The following RPE65 variants were observed in gnomAD, a reference collection of about 807,000 sequenced individuals.
RPE65 encodes retinoid isomerohydrolase.
A neutral mutation model predicts 68.5 loss-of-function variants in RPE65; 58 were observed. The ratio of observed to expected loss-of-function variants is 0.85; its 90% CI spans 0.69 to 1.05. The LOEUF is 1.05. Among genes scored for constraint, RPE65 ranks in the 50% least tolerant of loss-of-function variants. The pLI is 0.00. For synonymous variants in RPE65, 220 were observed against 222.2 expected (o/e 0.99, Z 0.09); for missense variants, 643 against 629.9 (o/e 1.02, Z -0.22).
intron 13 of RPE65, 151 bp downstream of exon 13, chr1:68,430,914 A>G (rs1195099053): frequency 1.5e-6 from 1 of 674,480 alleles, no homozygotes; most frequent in Non-Finnish European, 2.6e-6. Context: ...ATTCTTTTCA[A>G]ATAGTTTTAA....
chr1:68,431,708 G>A (rs1459176112), intron 10 of RPE65, 123 bp from the exon 11 acceptor site: 5 of 799,452 alleles, frequency 6.3e-6, no homozygotes, highest in Non-Finnish European at 1.1e-5. Flanking sequence ...AGGAACTGCA[G>A]GAAGCTATAG....
At chr1:68,448,291 C>T (rs1448044701) in intron 2 of RPE65, among the ~76,000 whole-genome samples, 1 of 152,184 alleles carries the variant, frequency 6.6e-6, no homozygotes, top group East Asian at 1.9e-4. Flanking sequence ...GTGCTTGTCA[C>T]TGGGCCTTCA....
intron 10 of RPE65, among the ~76,000 whole-genome samples, chr1:68,433,857 A>G (rs1453853417): frequency 6.6e-6 from 1 of 152,072 alleles, no homozygotes; most frequent in Non-Finnish European, 1.5e-5. Context: ...GGTCTACATG[A>G]GAAAGTGTTT....
rs1285702731 is a variant in RPE65 at position 68,448,636 on chromosome 1, C to T, written c.82G>A (p.Ala28Thr). ...GGGCGAGACCAACCTGTTACATGAG[C>T]TGTGAGCGGCGAGGACAGTTCCTCC... ...TVEELSSPLT[A>T]HVTGRIPLWL... The change falls in exon 2 of 14, where the codon GCT becomes ACT. Residue 28 changes from alanine to threonine, a missense_variant. Ala to Thr is a moderately conservative substitution (Grantham distance 58). Coordinates refer to ENST00000262340, the MANE Select transcript of RPE65 (RefSeq NM_000329.3). The T allele has an allele frequency of 2.5e-6, 4 of 1,613,792 alleles. No homozygotes were observed. The highest frequency in any genetic ancestry group is 3.4e-6 in the Non-Finnish European group (4 of 1,179,968).
chr1:68,439,722 C>T (rs1279599318), intron 6 of RPE65, 80 bp from the exon 7 acceptor site: 13 of 1,069,876 alleles, frequency 1.2e-5, no homozygotes, highest in Admixed American at 3.5e-5. Flanking sequence ...ACAGCTTATA[C>T]AGGCAAAGAA....
Position 68,438,977 on chromosome 1 carries a change from A to C in RPE65, c.963T>G (p.Asn321Lys), listed in dbSNP as rs149916178. 2.6e-3 allele frequency: 4,269 copies of C among 1,614,066 alleles called. 99 individuals carry two copies. In the South Asian group the frequency reaches 0.035, roughly 13 times the overall value. Reference sequence around the variant, plus strand: ...AGCAGAGATCCACAATCAGAAACCCATTGTCTTCATAGGTGTTGATGTGAT... The same window carrying C: ...AGCAGAGATCCACAATCAGAAACCCCTTGTCTTCATAGGTGTTGATGTGAT... ...LFHHINTYED[N>K]GFLIVDLCCW... The change falls in exon 9 of 14, where the codon AAT becomes AAG. Residue 321 changes from asparagine to lysine, a missense_variant. Transcript: ENST00000262340.
At chr1:68,449,860 A>G (rs1645970536) in intron 1 of RPE65, 35 bp downstream of exon 1, 1 of 1,609,920 alleles carries the variant, frequency 6.2e-7, no homozygotes, top group Non-Finnish European at 8.5e-7. Context: ...TGAATCCATG[A>G]AGGTGTTTTA....
Position 68,444,988 on chromosome 1 carries a change from A to G in RPE65, c.246-105T>C, listed in dbSNP as rs1242726411. 13 of 922,162 alleles carry G rather than the reference A, an allele frequency of 1.4e-5. No individual in the cohort carries two copies. The Admixed American group carries it at 2.5e-4, about 18-fold the overall frequency. 57.1% of individuals were successfully genotyped at this position (922,162 alleles called of 1,614,324 possible). ...TATGTGTCCTCATCAAGTCACAATCATAAATGCACAACATGAAGAATAAAG... is the reference window on the plus strand; with the variant it reads ...TATGTGTCCTCATCAAGTCACAATCGTAAATGCACAACATGAAGAATAAAG... On this transcript the variant is annotated intron_variant, in intron 3 of 13. Coordinates refer to ENST00000262340, the MANE Select transcript of RPE65 (RefSeq NM_000329.3).
chr1:68,442,411 C>T (rs918391818), intron 5 of RPE65, among the ~76,000 whole-genome samples: 3 of 152,148 alleles, frequency 2.0e-5, no homozygotes, highest in Non-Finnish European at 2.9e-5. Context: ...GAAGGGCATG[C>T]GTAGAGGAGG....
rs121917745 is a variant in RPE65 at position 68,429,835 on chromosome 1, G to A, written c.1543C>T (p.Arg515Trp). ...LNAKDLSEVARAEVEINIPVT... is the reference protein window; with the variant it reads ...LNAKDLSEVAWAEVEINIPVT... The stretch of plus-strand genomic sequence containing the variant: ...GGGATGTTAATCTCCACTTCAGCCC[G>A]GGCAACTTCACTTAAGTCCTTGGCA... Residue 515 changes from arginine (R) to tryptophan (W), a missense_variant, in exon 14 of 14, where the codon CGG (arginine) becomes TGG (tryptophan). Transcript: ENST00000262340. 2.4e-5 allele frequency: 38 copies of A among 1,613,626 alleles called. No homozygotes were observed. In the East Asian group the frequency reaches 6.2e-4, roughly 26 times the overall value.
intron 13 of RPE65, among the ~76,000 whole-genome samples, chr1:68,430,697 TA>T (rs2100806303): frequency 6.6e-6 from 1 of 152,348 alleles, no homozygotes; most frequent in Non-Finnish European, 1.5e-5. Flanking sequence ...TTGTATCTGC[TA>T]TAATACTTAG....
chr1:68,439,897 T>C (rs187916002), intron 6 of RPE65, among the ~76,000 whole-genome samples: 1 of 152,076 alleles, frequency 6.6e-6, no homozygotes, highest in Non-Finnish European at 1.5e-5. Context: ...TGTAGTGGAG[T>C]CACATCTTGC....
chr1:68,446,366 A>C (rs911529712), intron 3 of RPE65, among the ~76,000 whole-genome samples: 10 of 152,172 alleles, frequency 6.6e-5, no homozygotes, highest in African/African-American at 2.4e-4. Context: ...GCTTGTAATG[A>C]ATATATAAGG....
chr1:68,447,943 T>C (rs1645954876), intron 2 of RPE65, among the ~76,000 whole-genome samples: 1 of 152,246 alleles, frequency 6.6e-6, no homozygotes. Context: ...CAGTGCTTCC[T>C]TGATTCCTAC....
At chr1:68,440,100 G>A (rs1292521709) in intron 6 of RPE65, among the ~76,000 whole-genome samples, 1 of 152,162 alleles carries the variant, frequency 6.6e-6, no homozygotes, top group Non-Finnish European at 1.5e-5. Context: ...ACTTTAGTGT[G>A]CATCAGAATC....
At chr1:68,444,017 T>G (rs1371617924) in intron 5 of RPE65, among the ~76,000 whole-genome samples, 3 of 152,180 alleles carry the variant, frequency 2.0e-5, no homozygotes, top group African/African-American at 7.2e-5. Context: ...TCAGTATCAG[T>G]AGCTATAATT....
chr1:68,438,794 T>A (rs1645878487), intron 9 of RPE65, 148 bp downstream of exon 9: 1 of 1,041,578 alleles, frequency 9.6e-7, no homozygotes, highest in Non-Finnish European at 1.5e-6. Context: ...TACCTAAACT[T>A]CCTACTGCTT....
chr1:68,441,009 G>A lies in RPE65; in HGVS notation c.496-9C>T. Reference sequence around the variant, plus strand: ...TAGTTGCAAAGATCAACCTACGGAAGTAAAGTGAATGTCCTCCAGTTGAGA... The same window carrying A: ...TAGTTGCAAAGATCAACCTACGGAAATAAAGTGAATGTCCTCCAGTTGAGA... On this transcript the variant is annotated splice_polypyrimidine_tract_variant and intron_variant, in intron 5 of 13. Transcript: ENST00000262340. 1 of 1,613,748 alleles carries A rather than the reference G, an allele frequency of 6.2e-7. No homozygotes were observed.
At chr1:68,441,702 G>T (rs1244016494) in intron 5 of RPE65, among the ~76,000 whole-genome samples, 2 of 152,084 alleles carry the variant, frequency 1.3e-5, no homozygotes, top group Admixed American at 1.3e-4. Flanking sequence ...TAAAGAGCTA[G>T]ATAAATCAGC....
Sources: allele counts gnomAD v4.1 joint callset (sites outside exome capture counted in the v4.1 genomes callset), GRCh38; gene constraint gnomAD v4.1.1; transcripts MANE v1.5; gene names NCBI Gene and HGNC (gene_info 2026-07-23, HGNC 2026-07-21).